The following ANO10 variants were observed in gnomAD, a reference collection of about 807,000 sequenced individuals.
The protein encoded by ANO10 is anoctamin 10.
A neutral mutation model predicts 74.7 loss-of-function variants in ANO10; 77 were observed. The ratio of observed to expected loss-of-function variants is 1.03; its 90% CI spans 0.86 to 1.25. The LOEUF (loss-of-function observed/expected upper bound fraction) is 1.25. Among genes scored for constraint, ANO10 ranks in the 50% most tolerant of loss-of-function variants. The pLI is 0.00. For synonymous variants in ANO10, 279 were observed against 284.9 expected, an observed-to-expected ratio of 0.98 and a Z score of 0.21; for missense variants, 721 against 778.1, an observed-to-expected ratio of 0.93 and a Z score of 0.87.
chr3:43,635,652 G>C (rs190780852), intron 1 of ANO10, among the ~76,000 whole-genome samples: 40 of 144,828 alleles, frequency 2.8e-4, no homozygotes, highest in Admixed American at 1.3e-3. Flanking sequence ...ACGGAGTCTC[G>C]CTCTTTTACC....
At chr3:43,485,764 T>G in intron 11 of ANO10, 1 of 233,616 alleles carries the variant, frequency 4.3e-6, no homozygotes, top group South Asian at 5.0e-5. Context: ...TGGGACCTGT[T>G]GACAAATGAT....
At chr3:43,621,225 G>C (rs1217529054) in intron 1 of ANO10, among the ~76,000 whole-genome samples, 1 of 152,118 alleles carries the variant, frequency 6.6e-6, no homozygotes, top group African/African-American at 2.4e-5. Flanking sequence ...TGCTGTGAAG[G>C]CACCCACAAA....
At chr3:43,427,271 T>TG (rs2092912704) in intron 12 of ANO10, among the ~76,000 whole-genome samples, 1 of 152,008 alleles carries the variant, frequency 6.6e-6, no homozygotes, top group African/African-American at 2.4e-5. Flanking sequence ...CTATTTTTGC[T>TG]GGGGGGTGGG....
chr3:43,476,907 T>C (rs969823229), intron 11 of ANO10, among the ~76,000 whole-genome samples: 13 of 152,188 alleles, frequency 8.5e-5, no homozygotes, highest in Non-Finnish European at 1.3e-4. Context: ...CAATAAGTAA[T>C]TTCCCTGTAC....
At chr3:43,542,770 C>T (rs190816985) in intron 11 of ANO10, among the ~76,000 whole-genome samples, 6 of 152,276 alleles carry the variant, frequency 3.9e-5, no homozygotes, top group South Asian at 2.1e-4. Context: ...ATAAAGATAA[C>T]GAAAGTTTCA....
intron 1 of ANO10, among the ~76,000 whole-genome samples, chr3:43,676,338 G>A (rs1051229332): frequency 6.6e-6 from 1 of 151,990 alleles, no homozygotes; most frequent in Non-Finnish European, 1.5e-5. Context: ...TGGTAAGCAT[G>A]TGGTCCCAGG....
intron 4 of ANO10, among the ~76,000 whole-genome samples, chr3:43,592,046 G>A (rs1032249346): frequency 6.6e-6 from 1 of 152,224 alleles, no homozygotes; most frequent in African/African-American, 2.4e-5. Flanking sequence ...AGCAAGGCTG[G>A]GGGAGGGGCG....
intron 11 of ANO10, among the ~76,000 whole-genome samples, chr3:43,530,184 T>C (rs2078394923): frequency 2.0e-5 from 3 of 152,072 alleles, no homozygotes; most frequent in South Asian, 4.1e-4. Flanking sequence ...AAGATCACAA[T>C]TAAAAATGAA....
intron 5 of ANO10, among the ~76,000 whole-genome samples, chr3:43,579,384 A>T (rs1234148848): frequency 6.6e-6 from 1 of 152,236 alleles, no homozygotes; most frequent in Non-Finnish European, 1.5e-5. Flanking sequence ...AAATTTTCAA[A>T]TACAAAATAG....
chr3:43,656,976 C>T (rs552158485), intron 1 of ANO10, among the ~76,000 whole-genome samples: 15 of 152,240 alleles, frequency 9.9e-5, no homozygotes, highest in Admixed American at 2.0e-4. Context: ...ACTGCCAGCA[C>T]GCTGTCACCT....
At chr3:43,676,761 G>C (rs1169237931) in intron 1 of ANO10, among the ~76,000 whole-genome samples, 1 of 151,998 alleles carries the variant, frequency 6.6e-6, no homozygotes, top group African/African-American at 2.4e-5. Flanking sequence ...AACTGCATGT[G>C]AATCTGCAAT....
chr3:43,366,793 T>C lies in ANO10; in HGVS notation c.*113A>G, dbSNP rs964174647. ...GGGAGCCACTTCGTTTGGCTAAGCA[T>C]TGGGTCTGGGTTCAGGAGCCACGAT... On this transcript the variant is annotated 3_prime_UTR_variant, in exon 13 of 13. Coordinates refer to ENST00000292246, the MANE Select transcript of ANO10 (RefSeq NM_018075.5). 7.2e-6 allele frequency: 8 copies of C among 1,109,130 alleles called. No homozygotes were observed. The highest frequency in any genetic ancestry group is 1.6e-5 in the African/African-American group (1 of 64,170). The allele number at this position is 1,109,130 out of a possible 1,614,324, so 68.7% of individuals were successfully genotyped here. A position where few individuals can be genotyped will look rare whatever the true frequency, so the allele number is the denominator to read the frequency against.
At chr3:43,590,433 A>G (rs1435201729) in intron 4 of ANO10, among the ~76,000 whole-genome samples, 1 of 152,230 alleles carries the variant, frequency 6.6e-6, no homozygotes, top group Admixed American at 6.5e-5. Context: ...AGGAAGCTAG[A>G]GAGGCAAATA....
intron 4 of ANO10, among the ~76,000 whole-genome samples, chr3:43,590,231 G>A (rs1429396029): frequency 1.3e-5 from 2 of 152,114 alleles, no homozygotes; most frequent in African/African-American, 2.4e-5. Context: ...TTGGAACTCT[G>A]AATACAGTTC....
At chr3:43,659,798 T>C (rs927594243) in intron 1 of ANO10, among the ~76,000 whole-genome samples, 1 of 152,176 alleles carries the variant, frequency 6.6e-6, no homozygotes, top group Non-Finnish European at 1.5e-5. Flanking sequence ...GACCCCCATG[T>C]AGCCTGACTG....
At chr3:43,654,367 T>A (rs2083823161) in intron 1 of ANO10, among the ~76,000 whole-genome samples, 1 of 152,168 alleles carries the variant, frequency 6.6e-6, no homozygotes, top group Non-Finnish European at 1.5e-5. Context: ...ACACTATAGT[T>A]TTTTGATGGG....
Position 43,605,735 on chromosome 3 carries a change from T to C in ANO10, c.118A>G (p.Ile40Val), listed in dbSNP as rs1005467642. 3.1e-6 allele frequency: 5 copies of C among 1,613,540 alleles called. No homozygotes were observed. In the African/African-American group the frequency reaches 4.0e-5, roughly 13 times the overall value. The change falls in exon 2 of 13, where the codon ATA becomes GTA. Residue 40 changes from isoleucine to valine, a missense_variant. Physicochemically the swap from Ile to Val is conservative, Grantham distance 29. Transcript: ENST00000292246. ...TCACCTCCATCTTTTTTTTTAGCTA[T>C]AATTCTGTTTTTCAGCCATTCTTTG... ...ETKEWLKNRI[I>V]AKKKDGGAQL...
At chr3:43,643,519 T>G (rs892705552) in intron 1 of ANO10, among the ~76,000 whole-genome samples, 7 of 151,870 alleles carry the variant, frequency 4.6e-5, no homozygotes, top group African/African-American at 1.7e-4. Flanking sequence ...TTTCTCTTAT[T>G]GTAAGGGAAA....
chr3:43,626,859 C>A (rs2083497052), upstream of ANO10, among the ~76,000 whole-genome samples: 1 of 152,102 alleles, frequency 6.6e-6, no homozygotes, highest in African/African-American at 2.4e-5. Flanking sequence ...ATTTTTGAAT[C>A]TTCATAATAC....
Sources: allele counts gnomAD v4.1 joint callset (sites outside exome capture counted in the v4.1 genomes callset), GRCh38; gene constraint gnomAD v4.1.1; transcripts MANE v1.5; gene names NCBI Gene and HGNC (gene_info 2026-07-23, HGNC 2026-07-21).